The following NTM variants were observed in gnomAD, a reference collection of about 807,000 sequenced individuals.
The protein encoded by NTM is neurotrimin, also known as IgLON family member 2.
In NTM, 13 loss-of-function variants were observed where a neutral mutation model predicts 42.1. The ratio of observed to expected loss-of-function variants is 0.31; its 90% CI spans 0.20 to 0.49. The LOEUF is 0.49. Among genes scored for constraint, NTM ranks in the 20% least tolerant of loss-of-function variants. NTM has a pLI of 0.99. For missense variants in NTM, 373 were observed against 452.8 expected (o/e 0.82, Z 1.60); for synonymous variants, 187 against 179.2 (o/e 1.04, Z -0.35).
intron 1 of NTM, chr11:131,540,776 G>A (rs1231279880): frequency 6.6e-6 from 1 of 152,190 alleles, no homozygotes; most frequent in East Asian, 1.9e-4. Flanking sequence ...CTTATCTAAA[G>A]CCAGTTGTGA....
intron 1 of NTM, among the ~76,000 whole-genome samples, chr11:131,469,717 G>A (rs967014965): frequency 6.6e-6 from 1 of 152,174 alleles, no homozygotes; most frequent in African/African-American, 2.4e-5. Flanking sequence ...CTTGAGCTTA[G>A]TTTTCTCATC....
At chr11:131,694,023 G>T (rs2075118490) in intron 1 of NTM, among the ~76,000 whole-genome samples, 2 of 152,154 alleles carry the variant, frequency 1.3e-5, no homozygotes, top group Non-Finnish European at 2.9e-5. Context: ...CACTATTCTT[G>T]GATGCTTGGT....
intron 2 of NTM, among the ~76,000 whole-genome samples, chr11:131,964,236 C>T (rs1271863073): frequency 6.6e-6 from 1 of 152,112 alleles, no homozygotes; most frequent in Non-Finnish European, 1.5e-5. Context: ...TTGGGGGCTT[C>T]CTGAGATGAC....
intron 1 of NTM, among the ~76,000 whole-genome samples, chr11:131,694,436 G>T (rs373981339): frequency 1.3e-5 from 2 of 152,292 alleles, no homozygotes; most frequent in South Asian, 4.1e-4. Flanking sequence ...AGCTGAGTCT[G>T]GTGGGAAAGG....
chr11:132,312,167 G>A (rs1324685736), intron 6 of NTM, among the ~76,000 whole-genome samples: 5 of 152,168 alleles, frequency 3.3e-5, no homozygotes, highest in African/African-American at 9.6e-5. Flanking sequence ...ACAGCAAGTT[G>A]GGTCTGCCAG....
chr11:132,121,076 C>T (rs2064739059), intron 2 of NTM, among the ~76,000 whole-genome samples: 1 of 152,150 alleles, frequency 6.6e-6, no homozygotes. Context: ...TCAAAGTTTG[C>T]AGTGTTCACA....
chr11:132,112,255 CT>C (rs77191740), intron 2 of NTM, among the ~76,000 whole-genome samples: 20,172 of 152,192 alleles, frequency 0.13, 1,508 homozygotes, highest in South Asian at 0.2. Flanking sequence ...GTCCTGTCCA[CT>C]ATAAGGCATT....
At chr11:131,609,154 T>C (rs1444321260) in intron 1 of NTM, among the ~76,000 whole-genome samples, 2 of 152,204 alleles carry the variant, frequency 1.3e-5, no homozygotes, top group Non-Finnish European at 2.9e-5. Context: ...GCGTGGGCCC[T>C]GCACGGCTCT....
intron 1 of NTM, among the ~76,000 whole-genome samples, chr11:131,890,182 C>G (rs1248590377): frequency 1.7e-4 from 25 of 150,274 alleles, no homozygotes; most frequent in African/African-American, 5.2e-4. Context: ...CTCTCTGTCT[C>G]TCTCTCTCTC....
intron 2 of NTM, among the ~76,000 whole-genome samples, chr11:131,952,291 G>A (rs537281708): frequency 6.6e-6 from 1 of 152,220 alleles, no homozygotes; most frequent in African/African-American, 2.4e-5. Flanking sequence ...ATAGATGTAT[G>A]CATATGACCC....
At chr11:131,475,368 T>G (rs545186339) in intron 1 of NTM, among the ~76,000 whole-genome samples, 10 of 152,294 alleles carry the variant, frequency 6.6e-5, no homozygotes, top group African/African-American at 2.4e-4. Flanking sequence ...TATATTTTTC[T>G]GAGAAGAGTT....
chr11:132,294,418 C>T (rs767985497), intron 4 of NTM, among the ~76,000 whole-genome samples: 19 of 152,166 alleles, frequency 1.2e-4, no homozygotes, highest in Middle Eastern at 3.4e-3. Context: ...AGTGGAAATT[C>T]GTCTTCTGAA....
intron 1 of NTM, among the ~76,000 whole-genome samples, chr11:131,800,674 T>G (rs1174650952): frequency 6.6e-6 from 1 of 152,186 alleles, no homozygotes; most frequent in Non-Finnish European, 1.5e-5. Flanking sequence ...TGATAGCAAT[T>G]GCCTAGGTGT....
intron 1 of NTM, among the ~76,000 whole-genome samples, chr11:131,685,735 CTTGT>C (rs2073787506): frequency 6.6e-6 from 1 of 152,314 alleles, no homozygotes; most frequent in East Asian, 1.9e-4. Flanking sequence ...GTAGCATTCA[CTTGT>C]TTATTTGTTT....
chr11:131,811,943 G>A (rs181149054), intron 1 of NTM, among the ~76,000 whole-genome samples: 113 of 152,252 alleles, frequency 7.4e-4, no homozygotes, highest in African/African-American at 2.5e-3. Context: ...TCACCATACC[G>A]TTCCTGGATC....
chr11:132,225,647 C>T (rs1485074356), intron 4 of NTM, among the ~76,000 whole-genome samples: 1 of 152,152 alleles, frequency 6.6e-6, no homozygotes, highest in Non-Finnish European at 1.5e-5. Flanking sequence ...AAAAATACAC[C>T]AGCACATTTT....
At chr11:131,715,557 A>G (rs1370479640) in intron 1 of NTM, among the ~76,000 whole-genome samples, 1 of 152,206 alleles carries the variant, frequency 6.6e-6, no homozygotes, top group East Asian at 1.9e-4. Flanking sequence ...CATTTGTGCA[A>G]TCATCACAAT....
chr11:132,271,084 A>G (rs143173454), intron 4 of NTM, among the ~76,000 whole-genome samples: 2 of 152,252 alleles, frequency 1.3e-5, no homozygotes, highest in Non-Finnish European at 2.9e-5. Context: ...CCCCCAGCAC[A>G]TTACCTTCCC....
chr11:131,862,526 G>T (rs1342928979), intron 1 of NTM, among the ~76,000 whole-genome samples: 7 of 152,162 alleles, frequency 4.6e-5, no homozygotes, highest in Non-Finnish European at 1.0e-4. Flanking sequence ...TTGCCTAGTT[G>T]TTATGTATGA....
Sources: gnomAD v4.1 joint callset for allele counts (sites outside exome capture counted in the v4.1 genomes callset) on GRCh38, gnomAD v4.1.1 for gene constraint, MANE v1.5 for transcripts, NCBI Gene and HGNC (gene_info 2026-07-23, HGNC 2026-07-21) for gene names.